Variants in RNF150 observed in about 807,000 individuals in gnomAD.
RNF150 encodes ring finger protein 150.
In RNF150, 24 loss-of-function variants were observed where a neutral mutation model predicts 39.3. The ratio of observed to expected loss-of-function variants is 0.61; its 90% CI spans 0.44 to 0.86. RNF150 has a LOEUF of 0.86. Among genes scored for constraint, RNF150 ranks in the 40% least tolerant of loss-of-function variants. RNF150 has a pLI of 0.00. For missense variants in RNF150, 502 were observed against 587.8 expected (o/e 0.85, Z 1.51); for synonymous variants, 255 against 227.3 (o/e 1.12, Z -1.10).
chr4:140,913,882 G>A (rs1730712569), intron 5 of RNF150, among the ~76,000 whole-genome samples: 1 of 152,148 alleles, frequency 6.6e-6, no homozygotes, highest in African/African-American at 2.4e-5. Flanking sequence ...GAAAATACTT[G>A]AAAAACTGTA....
At position 140,871,021 on chromosome 4, in the gene RNF150, TAC is replaced by T. The variant is rs146589962; in HGVS notation, c.1199-2644_1199-2643del. Among the ~76,000 whole-genome samples the T allele has an allele frequency of 3.5e-4, 53 of 149,882 alleles. 1 individual carries two copies. In the South Asian group the frequency reaches 3.8e-3, roughly 11 times the overall value. Reference sequence around the variant, plus strand: ...CTCTCTCTATATATATATATATGTATACACACACACACACACACTTTATACTT... The same window carrying T: ...CTCTCTCTATATATATATATATGTATACACACACACACACACTTTATACTT... On this transcript the variant is annotated intron_variant, in intron 6 of 6. Coordinates refer to ENST00000515673, the MANE Select transcript of RNF150 (RefSeq NM_020724.2).
intron 1 of RNF150, among the ~76,000 whole-genome samples, chr4:141,169,439 A>G (rs1727663228): frequency 6.6e-6 from 1 of 152,186 alleles, no homozygotes; most frequent in Non-Finnish European, 1.5e-5. Flanking sequence ...TATAGCAGAG[A>G]ACTGACAAAT....
At chr4:141,100,532 C>A in intron 1 of RNF150, among the ~76,000 whole-genome samples, 1 of 152,210 alleles carries the variant, frequency 6.6e-6, no homozygotes, top group Middle Eastern at 3.2e-3. Context: ...TAATACATTG[C>A]AAAGTCAATG....
At chr4:141,175,196 C>A (rs1177332910) in intron 1 of RNF150, among the ~76,000 whole-genome samples, 7 of 152,190 alleles carry the variant, frequency 4.6e-5, no homozygotes, top group Admixed American at 4.6e-4. Context: ...CAGATTGCCA[C>A]ATTAAGCCGA....
At chr4:141,150,024 A>AGAAT (rs1727270640) in intron 1 of RNF150, among the ~76,000 whole-genome samples, 1 of 152,238 alleles carries the variant, frequency 6.6e-6, no homozygotes, top group African/African-American at 2.4e-5. Context: ...TAAGGACCAA[A>AGAAT]GAATGAAATA....
At chr4:141,027,912 GTTTTTTTTTTTTTGTTTTTTTTTT>G (rs1396213937) in intron 1 of RNF150, among the ~76,000 whole-genome samples, 4 of 27,102 alleles carry the variant, frequency 1.5e-4, no homozygotes, top group Non-Finnish European at 2.6e-4. Flanking sequence ...CTTGGAATTT[GTTTTTTTTTTTTTGTTTTTTTTTT>G]TTTTTTTTTT....
intron 6 of RNF150, among the ~76,000 whole-genome samples, chr4:140,868,928 C>CT (rs143181506): frequency 0.031 from 4,692 of 152,012 alleles, 75 homozygotes; most frequent in South Asian, 0.051. Flanking sequence ...ATAAGATATC[C>CT]TTTTTTGTCT....
At chr4:140,999,931 T>G (rs1734516192) in intron 1 of RNF150, among the ~76,000 whole-genome samples, 1 of 64,980 alleles carries the variant, frequency 1.5e-5, no homozygotes, top group African/African-American at 4.4e-5. Flanking sequence ...GAGTGAGACT[T>G]GGTCTCAAAA....
intron 1 of RNF150, among the ~76,000 whole-genome samples, chr4:140,973,873 T>TA (rs1733560034): frequency 7.5e-6 from 1 of 133,992 alleles, no homozygotes; most frequent in Non-Finnish European, 1.6e-5. Context: ...GAGACTCTGT[T>TA]TAAAAAAAAA....
At chr4:141,029,745 A>G (rs1560697750) in intron 1 of RNF150, among the ~76,000 whole-genome samples, 1 of 152,250 alleles carries the variant, frequency 6.6e-6, no homozygotes, top group Non-Finnish European at 1.5e-5. Flanking sequence ...AACCTATGGA[A>G]TGTGAGAAAA....
intron 1 of RNF150, among the ~76,000 whole-genome samples, chr4:141,177,239 A>G (rs1209201414): frequency 1.3e-5 from 2 of 151,966 alleles, no homozygotes; most frequent in African/African-American, 4.8e-5. Context: ...CTTAAAAAAA[A>G]TGTATTTCAG....
At chr4:140,979,937 T>A (rs1201490805) in intron 1 of RNF150, among the ~76,000 whole-genome samples, 1 of 152,198 alleles carries the variant, frequency 6.6e-6, no homozygotes, top group East Asian at 1.9e-4. Context: ...ATAAAAATTG[T>A]GTAATTTTTA....
chr4:141,117,263 C>G (rs1340601069), intron 1 of RNF150, among the ~76,000 whole-genome samples: 3 of 152,162 alleles, frequency 2.0e-5, no homozygotes, highest in Non-Finnish European at 4.4e-5. Flanking sequence ...TCTTGTGCAA[C>G]ACAAAGAATT....
At chr4:140,956,314 T>A (rs191409577) in intron 2 of RNF150, among the ~76,000 whole-genome samples, 5 of 152,252 alleles carry the variant, frequency 3.3e-5, no homozygotes, top group Admixed American at 2.6e-4. Flanking sequence ...ATGGTAAGAA[T>A]CAGTGAATGG....
At chr4:140,878,988 T>C (rs1178393824) in intron 6 of RNF150, among the ~76,000 whole-genome samples, 2 of 152,240 alleles carry the variant, frequency 1.3e-5, no homozygotes, top group Admixed American at 1.3e-4. Flanking sequence ...ACCTCCACTT[T>C]TCTCCACACC....
intron 1 of RNF150, among the ~76,000 whole-genome samples, chr4:141,153,992 C>T (rs567543564): frequency 6.6e-6 from 1 of 152,202 alleles, no homozygotes; most frequent in Non-Finnish European, 1.5e-5. Context: ...CTCCATCTCT[C>T]TGTGCCTCAG....
In RNF150 at chr4:141,167,790, A is replaced by T. The variant is rs144768996; in HGVS notation, c.-6+45004T>A. The stretch of plus-strand genomic sequence containing the variant: ...TTCTTTACACCTTATACAAAAATTA[A>T]CTCAAGATGGATTAAAAACTTCAAT... On this transcript the variant is annotated intron_variant, in intron 1 of 7. Coordinates refer to the RNF150 transcript ENST00000420921. 1.5e-3 allele frequency among the ~76,000 whole-genome samples: 236 copies of T among 152,314 alleles called. 3 individuals carry two copies. In the East Asian group the frequency reaches 0.03, roughly 19 times the overall value.
intron 1 of RNF150, among the ~76,000 whole-genome samples, chr4:141,195,608 A>G (rs1431591811): frequency 1.3e-5 from 2 of 152,198 alleles, no homozygotes; most frequent in Non-Finnish European, 2.9e-5. Flanking sequence ...TTTCTTTGCT[A>G]AAAATCTAAG....
chr4:140,883,540 A>C (rs994943010), intron 6 of RNF150, among the ~76,000 whole-genome samples: 18 of 152,138 alleles, frequency 1.2e-4, no homozygotes, highest in Admixed American at 1.2e-3. Flanking sequence ...ACAGTTTTTC[A>C]GTATATAGTA....
Sources: gnomAD v4.1 joint callset for allele counts (sites outside exome capture counted in the v4.1 genomes callset) on GRCh38, gnomAD v4.1.1 for gene constraint, MANE v1.5 for transcripts, NCBI Gene and HGNC (gene_info 2026-07-23, HGNC 2026-07-21) for gene names.